The following SPOCD1 variants were observed in gnomAD, a reference collection of about 807,000 sequenced individuals.
SPOCD1 encodes SPOC domain containing 1, also known as SPOC domain-containing protein 1.
A neutral mutation model predicts 92.2 loss-of-function variants in SPOCD1; 64 were observed. The ratio of observed to expected loss-of-function variants is 0.69; its 90% CI spans 0.57 to 0.86. The LOEUF (loss-of-function observed/expected upper bound fraction) is 0.86. SPOCD1 is among the 40% of genes least tolerant of loss of function. The probability of loss-of-function intolerance (pLI) is 0.00; values close to 1 mark genes in which losing one functional copy is unlikely to be tolerated. For synonymous variants in SPOCD1, 578 were observed against 619.3 expected (o/e 0.93, Z 0.99); for missense variants, 1,360 against 1,543.1 (o/e 0.88, Z 1.99).
chr1:31,790,789 G>A lies in SPOCD1; in HGVS notation c.3465C>T (p.Ser1155=), dbSNP rs1275949980. ...GGAGCTGGTGACTCATGGTCGCCAG[G>A]GATTCGAGGTGCCGGAGCAGGGCTT... ...PHQALLRHLE[S]LATMSHQLQA... is the part of the protein sequence containing the mutation. Residue 1155 remains serine (S), a synonymous_variant, in exon 16 of 16, where the codon TCC becomes TCT. Transcript: ENST00000360482. The A allele has an allele frequency of 1.9e-6, 3 of 1,547,536 alleles. No homozygotes were observed. The highest frequency in any genetic ancestry group is 4.9e-5 in the East Asian group (2 of 41,076).
At chr1:31,800,361 T>G (rs1648363959) in intron 4 of SPOCD1, 80 bp downstream of exon 4, 2 of 1,463,002 alleles carry the variant, frequency 1.4e-6, no homozygotes, top group Non-Finnish European at 1.8e-6. Context: ...ACCCTCTCTC[T>G]GAGCCTCAGT....
chr1:31,807,668 G>C (rs571783955), intron 2 of SPOCD1, among the ~76,000 whole-genome samples: 1 of 151,658 alleles, frequency 6.6e-6, no homozygotes, highest in Admixed American at 6.6e-5. Flanking sequence ...TAAACTGAAC[G>C]GAAGGTGACA....
intron 2 of SPOCD1, among the ~76,000 whole-genome samples, chr1:31,810,686 G>A (rs975786310): frequency 1.4e-4 from 22 of 152,176 alleles, no homozygotes; most frequent in Admixed American, 1.4e-3. Context: ...GATTAAATGA[G>A]ATGACATACT....
chr1:31,791,436 T>G, intron 15 of SPOCD1, 145 bp from the exon 16 acceptor site: 2 of 599,914 alleles, frequency 3.3e-6, no homozygotes, highest in Non-Finnish European at 2.7e-6. Context: ...ATTTGAGCTC[T>G]GCGGGATCAA....
chr1:31,803,149 G>A (rs779597341), intron 2 of SPOCD1, among the ~76,000 whole-genome samples: 7 of 152,076 alleles, frequency 4.6e-5, no homozygotes, highest in African/African-American at 9.7e-5. Flanking sequence ...TGAGATGAGC[G>A]AAGCCTTTCA....
intron 2 of SPOCD1, among the ~76,000 whole-genome samples, chr1:31,813,506 G>A (rs1381926674): frequency 6.6e-6 from 1 of 152,140 alleles, no homozygotes; most frequent in Non-Finnish European, 1.5e-5. Context: ...CTCGTGATCC[G>A]CCTGCCTCTG....
At position 31,814,832 on chromosome 1, in the gene SPOCD1, T is replaced by C. The variant is rs1649449157; in HGVS notation, c.502A>G (p.Arg168Gly). Residue 168 changes from arginine (R) to glycine (G), a missense_variant, in exon 2 of 16, where the codon AGA becomes GGA. Arg to Gly is a moderately radical substitution (Grantham distance 125, BLOSUM62 -2). Transcript: ENST00000360482. The surrounding 1 kb of genome is among the most constrained non-coding windows in gnomAD (Gnocchi z 4.2). ...CCTGGAGAACTCATTCCACCGTCTCTGGCCTCCCTGGGCCTGAGGCAGCTC... is the reference window on the plus strand; with the variant it reads ...CCTGGAGAACTCATTCCACCGTCTCCGGCCTCCCTGGGCCTGAGGCAGCTC... ...EVSCLRPREA[R>G]DGGMSSPGCD... is the part of the protein sequence containing the mutation. 1.9e-6 allele frequency: 3 copies of C among 1,612,880 alleles called. No individual in the cohort carries two copies. The highest frequency in any genetic ancestry group is 2.5e-6 in the Non-Finnish European group (3 of 1,179,576).
chr1:31,804,530 G>T (rs925406088), intron 2 of SPOCD1, among the ~76,000 whole-genome samples: 19 of 152,232 alleles, frequency 1.2e-4, no homozygotes, highest in African/African-American at 4.3e-4. Context: ...TATCAATTGT[G>T]GACCCAGACA....
rs1320996748 is a variant in SPOCD1 at position 31,814,436 on chromosome 1, G to T, written c.898C>A (p.Pro300Thr). The T allele has an allele frequency of 1.9e-6, 3 of 1,606,412 alleles. No individual in the cohort carries two copies. Among genetic ancestry groups the T allele is most frequent in the South Asian group, 2.2e-5 (2 of 90,302 alleles). The change falls in exon 2 of 16, where the codon CCC becomes ACC. Residue 300 changes from proline to threonine, a missense_variant. Pro to Thr is a conservative substitution (Grantham distance 38). Around this residue, in one of 3 missense-constraint regions of SPOCD1, gnomAD observed 606 missense variants for 601.5 expected, o/e 1.01. Coordinates refer to ENST00000360482, the MANE Select transcript of SPOCD1 (RefSeq NM_144569.7). This position sits in a 1 kb window ranked among gnomAD's most constrained non-coding sequence, Gnocchi z 4.2. ...ATGDGPQPGS[P>T]CGPVGFPVPS... is the part of the protein sequence containing the mutation. ...ACTGGGAACCCGACAGGGCCACAGG[G>T]GCTGCCTGGCTGGGGCCCATCCCCT...
rs776510813 is a variant in SPOCD1 at position 31,814,590 on chromosome 1, G to A, written c.744C>T (p.Asp248=). Residue 248 remains aspartate, a synonymous_variant, in exon 2 of 16, where the codon GAC becomes GAT. Transcript: ENST00000360482. This position sits in a 1 kb window ranked among gnomAD's most constrained non-coding sequence, Gnocchi z 4.2. ...LSVGDPPQVA[D]LESLGGPCRP... ...TGCAAGGGCCTCCCAAGGACTCCAG[G>A]TCAGCAACTTGGGGAGGGTCTCCCA... is the stretch of plus-strand genomic sequence containing the variant. 2.0e-6 allele frequency: 3 copies of A among 1,529,792 alleles called. No homozygotes were observed. The highest frequency in any genetic ancestry group is 2.6e-6 in the Non-Finnish European group (3 of 1,138,756). The allele number at this position is 1,529,792 out of a possible 1,614,324, so 94.8% of individuals were successfully genotyped here. A position where few individuals can be genotyped will look rare whatever the true frequency, so the allele number is the denominator to read the frequency against.
Position 31,800,517 on chromosome 1 carries a change from T to G in SPOCD1, c.1526A>C (p.Glu509Ala). Residue 509 changes from glutamate (E) to alanine (A), a missense_variant, in exon 4 of 16, where the codon GAG (glutamate) becomes GCG (alanine). Physicochemically the swap from Glu to Ala is moderately radical, Grantham distance 107. This residue lies in a region of SPOCD1 where 606 missense variants were observed against 601.5 expected (regional missense o/e 1.01). Transcript: ENST00000360482. Reference sequence around the variant, plus strand: ...CTGGGCAGGTGAGGGTGAGCTGACCTCCATCAAGTCCTCTAGAACCTCCAG... The same window carrying G: ...CTGGGCAGGTGAGGGTGAGCTGACCGCCATCAAGTCCTCTAGAACCTCCAG... ...PKLEVLEDLM[E>A]VSSPSPAQRL... is the part of the protein sequence containing the mutation. 1 of 1,612,586 alleles carries G rather than the reference T, an allele frequency of 6.2e-7. No individual in the cohort carries two copies. The highest frequency in any genetic ancestry group is 8.5e-7 in the Non-Finnish European group (1 of 1,179,428).
Position 31,814,175 on chromosome 1 carries a change from A to G in SPOCD1, c.1159T>C (p.Cys387Arg). The G allele has an allele frequency of 6.3e-7, 1 of 1,576,392 alleles. No homozygotes were observed. ...EQGLAAPADT[C>R]ASSREPLGGL... ...CCCAAGGGCTCCCGGGAGCTGGCAC[A>G]GGTGTCAGCGGGGGCAGCGAGTCCT... Residue 387 changes from cysteine (C) to arginine (R), a missense_variant, in exon 2 of 16, where the codon TGT (cysteine) becomes CGT (arginine). Coordinates refer to ENST00000360482, the MANE Select transcript of SPOCD1 (RefSeq NM_144569.7). This position sits in a 1 kb window ranked among gnomAD's most constrained non-coding sequence, Gnocchi z 4.2.
chr1:31,805,632 G>A (rs1648772460), intron 2 of SPOCD1, among the ~76,000 whole-genome samples: 1 of 152,092 alleles, frequency 6.6e-6, no homozygotes, highest in Non-Finnish European at 1.5e-5. Flanking sequence ...GGAGGCTGAG[G>A]TGGGAGAATT....
chr1:31,813,257 T>C (rs143466598), intron 2 of SPOCD1, among the ~76,000 whole-genome samples: 142 of 152,338 alleles, frequency 9.3e-4, no homozygotes, highest in Middle Eastern at 3.4e-3. Flanking sequence ...TGTGCTGTGC[T>C]AGGCACCTTT....
intron 2 of SPOCD1, among the ~76,000 whole-genome samples, chr1:31,806,042 G>T (rs142037241): frequency 0.012 from 1,749 of 151,926 alleles, 16 homozygotes; most frequent in Non-Finnish European, 0.019. Context: ...ATAATGATAT[G>T]TAGTTTTACC....
At position 31,793,272 on chromosome 1, in the gene SPOCD1, G is replaced by A. The variant is rs1647740205; in HGVS notation, c.2685+6C>T. On this transcript the variant is annotated splice_donor_region_variant and intron_variant, in intron 13 of 15. Transcript: ENST00000360482. ...AGGGAATCCCTGGCGAGGAGGGCAG[G>A]TGCACCTGGACAAGCCGACAGCTGT... The A allele has an allele frequency of 3.2e-6, 5 of 1,585,924 alleles. No individual in the cohort carries two copies. The highest frequency in any genetic ancestry group is 4.3e-6 in the Non-Finnish European group (5 of 1,166,320).
intron 6 of SPOCD1, 110 bp downstream of exon 6, chr1:31,799,699 G>T: frequency 1.5e-6 from 2 of 1,372,514 alleles, no homozygotes; most frequent in Non-Finnish European, 2.0e-6. Context: ...CTGATGGGAT[G>T]TGGGGAGAGA....
In SPOCD1 at chr1:31,799,508, G is replaced by A. The variant is rs1387542457; in HGVS notation, c.1784-23C>T. On this transcript the variant is annotated intron_variant, in intron 6 of 15. Coordinates refer to ENST00000360482, the MANE Select transcript of SPOCD1 (RefSeq NM_144569.7). ...GAGCTGTAGGGAGAGAGCGTCACAG[G>A]CTCCCAGGGGTGCCCAGGGGAAAGG... 3.1e-6 allele frequency: 5 copies of A among 1,595,080 alleles called. No individual in the cohort carries two copies. In the South Asian group the frequency reaches 5.6e-5, roughly 18 times the overall value.
At chr1:31,805,132 C>T (rs1309935741) in intron 2 of SPOCD1, among the ~76,000 whole-genome samples, 1 of 151,858 alleles carries the variant, frequency 6.6e-6, no homozygotes, top group Non-Finnish European at 1.5e-5. Context: ...CAGGCGCCCG[C>T]CACCACACCC....
Sources: gnomAD v4.1 joint callset for allele counts (sites outside exome capture counted in the v4.1 genomes callset) on GRCh38, gnomAD v4.1.1 for gene constraint, gnomAD v4.1.1 regional missense constraint, Gnocchi (gnomAD v3.1) non-coding constraint, MANE v1.5 for transcripts, NCBI Gene and HGNC (gene_info 2026-07-23, HGNC 2026-07-21) for gene names.